The following RBBP8NL variants were observed in gnomAD, a reference collection of about 807,000 sequenced individuals.
RBBP8NL encodes the protein RBBP8 N-terminal-like protein.
Under a neutral mutation model 62.2 loss-of-function variants are expected in RBBP8NL, and 59 were observed. The observed-to-expected ratio is 0.95, with a 90% confidence interval of 0.77 to 1.18. The LOEUF (loss-of-function observed/expected upper bound fraction) is 1.18. Ranked by LOEUF, RBBP8NL falls within the 50% of genes most tolerant of loss-of-function variation. RBBP8NL has a pLI of 0.00. For synonymous variants in RBBP8NL, 412 were observed against 394.1 expected (o/e 1.05, Z -0.54); for missense variants, 896 against 899.5 (o/e 1.00, Z 0.05).
chr20:62,415,711 A>G, intron 7 of RBBP8NL, 51 bp from the exon 8 acceptor site: 1 of 1,609,122 alleles, frequency 6.2e-7, no homozygotes, highest in East Asian at 2.2e-5. Flanking sequence ...TCAGAGGGGC[A>G]GCGGCCCAGC....
intron 1 of RBBP8NL, among the ~76,000 whole-genome samples, chr20:62,421,902 C>T (rs890382666): frequency 4.0e-5 from 6 of 151,118 alleles, no homozygotes; most frequent in African/African-American, 4.9e-5. Context: ...CGTGCCCAAG[C>T]CAGTGTGCAT....
chr20:62,415,406 C>G, intron 8 of RBBP8NL, 119 bp from the exon 9 acceptor site: 1 of 1,393,424 alleles, frequency 7.2e-7, no homozygotes, highest in South Asian at 1.3e-5. Context: ...CACTGCTGAG[C>G]TGCACCCCCA....
At position 62,414,179 on chromosome 20, in the gene RBBP8NL, C is replaced by A; in HGVS notation, c.1172G>T (p.Gly391Val). ...ATTCTCAGGGCCCTCAGAGTCTGAG[C>A]CGACTGGTAGGGAGGGCAGCATCTC... Reference protein sequence around the residue: ...PGEMLPSLPVGSDSEGPENEG... With the variant: ...PGEMLPSLPVVSDSEGPENEG... The change falls in exon 10 of 14, where the codon GGC becomes GTC. Residue 391 changes from glycine (G) to valine (V), a missense_variant. Transcript: ENST00000252998. The A allele has an allele frequency of 6.2e-7, 1 of 1,609,224 alleles. No homozygotes were observed. The highest frequency in any genetic ancestry group is 8.5e-7 in the Non-Finnish European group (1 of 1,179,152).
At chr20:62,426,807 G>A (rs1030938962) in intron 1 of RBBP8NL, among the ~76,000 whole-genome samples, 4 of 152,094 alleles carry the variant, frequency 2.6e-5, no homozygotes, top group African/African-American at 4.8e-5. Flanking sequence ...CCGTGCACTC[G>A]TGTGTACACA....
At chr20:62,419,334 C>CG (rs1988649422) in intron 2 of RBBP8NL, among the ~76,000 whole-genome samples, 1 of 152,146 alleles carries the variant, frequency 6.6e-6, no homozygotes, top group Non-Finnish European at 1.5e-5. Context: ...CCCTCCCCCT[C>CG]GGGGTCACAC....
At chr20:62,417,394 G>A (rs1988593489) in intron 3 of RBBP8NL, 75 bp from the exon 4 acceptor site, 6 of 1,215,500 alleles carry the variant, frequency 4.9e-6, no homozygotes, top group Non-Finnish European at 6.9e-6. Context: ...ATCCAGCCTG[G>A]GGGGGCAGCG....
intron 1 of RBBP8NL, 127 bp downstream of exon 1, chr20:62,427,333 C>T (rs1374207223): frequency 6.6e-6 from 1 of 152,262 alleles, no homozygotes; most frequent in African/African-American, 2.4e-5. Flanking sequence ...CCAGTCCCAC[C>T]CACCCCCGCG....
At position 62,415,191 on chromosome 20, in the gene RBBP8NL, T is replaced by C; in HGVS notation, c.724A>G (p.Thr242Ala). 6.5e-7 allele frequency: 1 copy of C among 1,535,254 alleles called. No individual in the cohort carries two copies. Among genetic ancestry groups the C allele is most frequent in the Non-Finnish European group, 8.8e-7 (1 of 1,140,620 alleles). Residue 242 changes from threonine (T) to alanine (A), a missense_variant, in exon 9 of 14, where the codon ACG (threonine) becomes GCG (alanine). Transcript: ENST00000252998. ...CPADRGPANG[T>A]PPPLPARSSP... is the part of the protein sequence containing the mutation. The stretch of plus-strand genomic sequence containing the variant: ...CTCCTGGCGGGCAGTGGTGGGGGCG[T>C]CCCATTGGCGGGGCCTCGGTCGGCA...
chr20:62,410,588 G>C lies in RBBP8NL; in HGVS notation c.*290C>G. 2.3e-6 allele frequency: 1 copy of C among 438,818 alleles called. No individual in the cohort carries two copies. The highest frequency in any genetic ancestry group is 4.1e-6 in the Non-Finnish European group (1 of 246,374). 27.2% of individuals were successfully genotyped at this position (438,818 alleles called of 1,614,324 possible). A position where few individuals can be genotyped will look rare whatever the true frequency, so the allele number is the denominator to read the frequency against. On this transcript the variant is annotated 3_prime_UTR_variant, in exon 14 of 14. Transcript: ENST00000252998. ...CAGGTGGGTGGAGACGGGGTGAATC[G>C]CCAGCCTGAGACCCCTCTCGGTCCT...
chr20:62,418,936 G>A (rs956119915), intron 2 of RBBP8NL, among the ~76,000 whole-genome samples: 2 of 152,178 alleles, frequency 1.3e-5, no homozygotes, highest in African/African-American at 4.8e-5. Flanking sequence ...GGAGGCAGCC[G>A]GGTCCTTGGA....
intron 3 of RBBP8NL, among the ~76,000 whole-genome samples, chr20:62,417,739 TC>T: frequency 1.1e-5 from 1 of 88,022 alleles, no homozygotes; most frequent in Non-Finnish European, 2.1e-5. Context: ...ATCTGCACGC[TC>T]CTCTGTGACG....
At position 62,419,618 on chromosome 20, in the gene RBBP8NL, C is replaced by A; in HGVS notation, c.30G>T (p.Arg10Ser). 1 of 1,613,554 alleles carries A rather than the reference C, an allele frequency of 6.2e-7. No individual in the cohort carries two copies. Among genetic ancestry groups the A allele is most frequent in the Non-Finnish European group, 8.5e-7 (1 of 1,179,944 alleles). The change falls in exon 2 of 14, where the codon AGG becomes AGT. Residue 10 changes from arginine to serine, a missense_variant. Coordinates refer to ENST00000252998, the MANE Select transcript of RBBP8NL (RefSeq NM_080833.3). The part of the protein sequence containing the change: MESFMESLN[R>S]LKEIHEKEVL... ...CTTCCTTCTCGTGGATCTCCTTCAG[C>A]CTGTTCAGCGACTCCATGAAGCTCT...
chr20:62,411,396 G>A (rs1330996546), intron 13 of RBBP8NL, among the ~76,000 whole-genome samples: 1 of 152,224 alleles, frequency 6.6e-6, no homozygotes, highest in African/African-American at 2.4e-5. Flanking sequence ...GGATCCTGCC[G>A]AGATGCTGGG....
chr20:62,410,918 T>C lies in RBBP8NL; in HGVS notation c.1955A>G (p.His652Arg). The C allele has an allele frequency of 6.2e-7, 1 of 1,613,432 alleles. No homozygotes were observed. ...GPGSPRDAED[H>R]SPSPNSSPWE... ...GGGGCTGCTGTTGGGGGAGGGACTG[T>C]GGTCCTCGGCGTCCCTTGGGCTCCC... is the stretch of plus-strand genomic sequence containing the variant. Residue 652 changes from histidine (H) to arginine (R), a missense_variant, in exon 14 of 14, where the codon CAC (histidine) becomes CGC (arginine). Coordinates refer to ENST00000252998, the MANE Select transcript of RBBP8NL (RefSeq NM_080833.3).
rs754785012 is a variant in RBBP8NL at position 62,417,289 on chromosome 20, G to C, written c.135C>G (p.Ser45=). The C allele has an allele frequency of 1.5e-5, 24 of 1,604,452 alleles. No homozygotes were observed. The highest frequency in any genetic ancestry group is 2.0e-5 in the Non-Finnish European group (24 of 1,175,798). ...GCTGTTCCCGGAGCTGGTGGTTCTTGGAGAAGAGCTCCTCGATCCTCTGGG... is the reference window on the plus strand; with the variant it reads ...GCTGTTCCCGGAGCTGGTGGTTCTTCGAGAAGAGCTCCTCGATCCTCTGGG... ...RDAQRIEELF[S]KNHQLREQQK... The change falls in exon 4 of 14, where the codon TCC becomes TCG. Residue 45 remains serine (S), a synonymous_variant. Transcript: ENST00000252998.
chr20:62,415,793 C>T lies in RBBP8NL; in HGVS notation c.539G>A (p.Gly180Glu). The T allele has an allele frequency of 1.2e-6, 2 of 1,611,998 alleles. No individual in the cohort carries two copies. The highest frequency in any genetic ancestry group is 1.1e-5 in the South Asian group (1 of 91,086). Reference sequence around the variant, plus strand: ...TCACCCGGTCCCCACAGCACCTTCTCCCCGTAGGCCCACGCCCTGGTGGTC... The same window carrying T: ...TCACCCGGTCCCCACAGCACCTTCTTCCCGTAGGCCCACGCCCTGGTGGTC... ...EEDHQGVGLR[G>E]EEKPAGHRTS... The change falls in exon 7 of 14, where the codon GGA (glycine) becomes GAA (glutamate). Residue 180 changes from glycine (G) to glutamate (E), a missense_variant. Gly to Glu is a moderately conservative substitution (Grantham distance 98, BLOSUM62 -2). Coordinates refer to ENST00000252998, the MANE Select transcript of RBBP8NL (RefSeq NM_080833.3).
chr20:62,418,524 TC>T, intron 2 of RBBP8NL, 59 bp from the exon 3 acceptor site: 1 of 1,473,322 alleles, frequency 6.8e-7, no homozygotes, highest in Non-Finnish European at 9.3e-7. Flanking sequence ...ACCTTCAGTG[TC>T]CCCACCACGG....
chr20:62,417,195 C>T (rs1988588129), intron 4 of RBBP8NL, 29 bp downstream of exon 4: 7 of 1,541,094 alleles, frequency 4.5e-6, no homozygotes, highest in Non-Finnish European at 4.4e-6. Context: ...CGGTCCTGGC[C>T]ATGCTGCGAG....
intron 5 of RBBP8NL, 63 bp downstream of exon 5, chr20:62,416,697 A>G: frequency 1.4e-5 from 17 of 1,178,678 alleles, no homozygotes; most frequent in Non-Finnish European, 2.5e-6. Context: ...CATGGGCTGA[A>G]CAGGCCTGGG....
Sources: allele counts gnomAD v4.1 joint callset (sites outside exome capture counted in the v4.1 genomes callset), GRCh38; gene constraint gnomAD v4.1.1; transcripts MANE v1.5; gene names NCBI Gene and HGNC (gene_info 2026-07-23, HGNC 2026-07-21).